The following TTN variants were observed in gnomAD, a reference collection of about 807,000 sequenced individuals.
TTN encodes the protein titin, also known as connectin.
In TTN, 1,525 loss-of-function variants were observed where a neutral mutation model predicts 3,223.0. The ratio of observed to expected loss-of-function variants is 0.47; its 90% CI spans 0.45 to 0.49. The LOEUF (loss-of-function observed/expected upper bound fraction) is 0.49, where lower values mean the gene tolerates loss of function less well. Ranked by LOEUF, TTN falls within the 20% of genes least tolerant of loss-of-function variation. The pLI, the probability that TTN is intolerant of heterozygous loss-of-function variation, is 0.00. For synonymous variants in TTN, 14,094 were observed against 15,161.0 expected, an observed-to-expected ratio of 0.93 and a Z score of 5.17; for missense variants, 40,786 against 43,424.0, an observed-to-expected ratio of 0.94 and a Z score of 5.40.
At position 178,692,479 on chromosome 2, in the gene TTN, T is replaced by C; in HGVS notation, c.31678+18A>G. 1 of 1,554,834 alleles carries C rather than the reference T, an allele frequency of 6.4e-7. No homozygotes were observed. Among genetic ancestry groups the C allele is most frequent in the East Asian group, 2.4e-5 (1 of 42,218 alleles). On this transcript the variant is annotated intron_variant, in intron 120 of 362. Coordinates refer to ENST00000589042, the MANE Select transcript of TTN (RefSeq NM_001267550.2). ...AGATGGATGCTAAGAATTATTTTTTTCACAAATATTATTCTACCTTTTGGT... is the reference window on the plus strand; with the variant it reads ...AGATGGATGCTAAGAATTATTTTTTCCACAAATATTATTCTACCTTTTGGT...
intron 99 of TTN, among the ~76,000 whole-genome samples, chr2:178,708,899 T>G (rs2076248852): frequency 6.6e-6 from 1 of 152,186 alleles, no homozygotes; most frequent in South Asian, 2.1e-4. Context: ...AGCTATGTTG[T>G]AATTACTGGA....
chr2:178,597,604 C>T lies in TTN; in HGVS notation c.57478G>A (p.Val19160Ile), dbSNP rs200778464. Residue 19160 changes from valine (V) to isoleucine (I), a missense_variant, in exon 294 of 363, where the codon GTC (valine) becomes ATC (isoleucine). Coordinates refer to ENST00000589042, the MANE Select transcript of TTN (RefSeq NM_001267550.2). ...TCATTTTTGGCAAGAAGAGAATAGA[C>T]GCCTTGATGGCTCCTCTGGCAGTTC... ...IKNCQRSHQG[V>I]YSLLAKNEAG... 87 of 1,613,098 alleles carry T rather than the reference C, an allele frequency of 5.4e-5. No homozygotes were observed. Among genetic ancestry groups the T allele is most frequent in the Admixed American group, 3.5e-4 (21 of 59,934 alleles).
Position 178,530,903 on chromosome 2 carries a change from C to T in TTN, c.105712G>A (p.Glu35238Lys), listed in dbSNP as rs1480227875. The T allele has an allele frequency of 6.2e-7, 1 of 1,613,862 alleles. No individual in the cohort carries two copies. The highest frequency in any genetic ancestry group is 1.1e-5 in the South Asian group (1 of 91,078). Residue 35238 changes from glutamate (E) to lysine (K), a missense_variant, in exon 358 of 363, where the codon GAG (glutamate) becomes AAG (lysine). Physicochemically the swap from Glu to Lys is moderately conservative, Grantham distance 56. Coordinates refer to ENST00000589042, the MANE Select transcript of TTN (RefSeq NM_001267550.2). ...GCTTCTGGGGATTTCACCCGAGGCT[C>T]TGGGGATTTGACTCTTGGTGGTGAT... is the stretch of plus-strand genomic sequence containing the variant. ...VTSPPRVKSP[E>K]PRVKSPEAVK...
rs1441211227 is a variant in TTN at position 178,704,149 on chromosome 2, T to G, written c.30221A>C (p.Glu10074Ala). The change falls in exon 106 of 363, where the codon GAA becomes GCA. Residue 10074 changes from glutamate to alanine, a missense_variant and splice_region_variant. Glu to Ala is a moderately radical substitution (Grantham distance 107). Transcript: ENST00000589042. ...GGACTCCATAGTGTTTCACGCACCT[T>G]CGATTCTGAGTTCTGCTGAAGTTTC... Reference protein sequence around the residue: ...DLETSAELRIEAEPIQFTKRI... With the variant: ...DLETSAELRIAAEPIQFTKRI... 1.2e-6 allele frequency: 2 copies of G among 1,613,602 alleles called. No individual in the cohort carries two copies. Among genetic ancestry groups the G allele is most frequent in the Non-Finnish European group, 1.7e-6 (2 of 1,179,784 alleles).
In TTN at chr2:178,570,161, A is replaced by G. The variant is rs1369489276; in HGVS notation, c.75971T>C (p.Val25324Ala). 6 of 1,613,498 alleles carry G rather than the reference A, an allele frequency of 3.7e-6. No homozygotes were observed. Residue 25324 changes from valine (V) to alanine (A), a missense_variant, in exon 326 of 363, where the codon GTA becomes GCA. Coordinates refer to ENST00000589042, the MANE Select transcript of TTN (RefSeq NM_001267550.2). ...ACCATCAGATGCTGGTCTTTCCCAT[A>G]CAACAATCATTGAGTCCTTGGTCAC... ...TTVTKDSMIV[V>A]WERPASDGGS...
At chr2:178,772,851 G>A (rs2091721846) in intron 33 of TTN, 1 of 504,308 alleles carries the variant, frequency 2.0e-6, no homozygotes, top group Non-Finnish European at 3.5e-6. Context: ...TGATCCTGGG[G>A]TTGGATGAGG....
rs1290406597 is a variant in TTN at position 178,532,571 on chromosome 2, G to A, written c.104044C>T (p.Arg34682Cys). 8 of 1,613,812 alleles carry A rather than the reference G, an allele frequency of 5.0e-6. 1 individual carries two copies. The highest frequency in any genetic ancestry group is 2.2e-5 in the South Asian group (2 of 91,082). The change falls in exon 358 of 363, where the codon CGT becomes TGT. Residue 34682 changes from arginine (R) to cysteine (C), a missense_variant. Physicochemically the swap from Arg to Cys is radical, Grantham distance 180 (BLOSUM62 -3). Coordinates refer to ENST00000589042, the MANE Select transcript of TTN (RefSeq NM_001267550.2). ...AMKRTEEERL[R>C]LEEELELGFS... is the part of the protein sequence containing the mutation. ...CCTAACTCAAGCTCTTCTTCAAGACGCAGCCTCTCTTCCTCTGTTCTTTTC... is the reference window on the plus strand; with the variant it reads ...CCTAACTCAAGCTCTTCTTCAAGACACAGCCTCTCTTCCTCTGTTCTTTTC...
intron 226 of TTN, 81 bp downstream of exon 226, chr2:178,635,882 T>C: frequency 6.5e-7 from 1 of 1,528,650 alleles, no homozygotes; most frequent in Non-Finnish European, 8.8e-7. Flanking sequence ...TCTGATATTG[T>C]AATACTGGGA....
At chr2:178,750,002 G>A in intron 47 of TTN, 1 of 1,613,202 alleles carries the variant, frequency 6.2e-7, no homozygotes, top group Non-Finnish European at 8.5e-7. Context: ...TTGAGGCATT[G>A]CTTTAGGTTC....
intron 313 of TTN, 88 bp from the exon 314 acceptor site, chr2:178,582,680 T>C (rs1448146847): frequency 2.3e-6 from 3 of 1,315,348 alleles, no homozygotes; most frequent in Admixed American, 2.6e-5. Context: ...AGTCTTTCTA[T>C]TGTCAATTTC....
In TTN at chr2:178,546,032, T is replaced by A. The variant is rs760640290; in HGVS notation, c.95204A>T (p.Asp31735Val). The A allele has an allele frequency of 1.2e-6, 2 of 1,613,830 alleles. No individual in the cohort carries two copies. Among genetic ancestry groups the A allele is most frequent in the South Asian group, 1.1e-5 (1 of 91,084 alleles). Residue 31735 changes from aspartate (D) to valine (V), a missense_variant, in exon 343 of 363, where the codon GAC (aspartate) becomes GTC (valine). By Grantham distance (152) the Asp-to-Val change is radical (BLOSUM62 -3). Coordinates refer to ENST00000589042, the MANE Select transcript of TTN (RefSeq NM_001267550.2). ...CTLAWSLPQE[D>V]GGAEITHYIV... ...GTAGTGAGTGATTTCTGCTCCTCCGTCTTCCTGCGGAAGGCTCCAGGCTAA... is the reference window on the plus strand; with the variant it reads ...GTAGTGAGTGATTTCTGCTCCTCCGACTTCCTGCGGAAGGCTCCAGGCTAA...
chr2:178,775,747 G>A lies in TTN; in HGVS notation c.6117C>T (p.Leu2039=). 3.7e-6 allele frequency: 6 copies of A among 1,613,868 alleles called. No individual in the cohort carries two copies. Among genetic ancestry groups the A allele is most frequent in the Non-Finnish European group, 5.1e-6 (6 of 1,179,964 alleles). ...CTTCAGTTAACTCTTTGGTCCAGTG[G>A]AGAAGTTCATCTTTTGTCTTCCTGA... is the stretch of plus-strand genomic sequence containing the variant. The part of the protein sequence containing the change: ...ELLRKTKDEL[L]HWTKELTEEE... Residue 2039 remains leucine, a synonymous_variant, in exon 28 of 363, where the codon CTC becomes CTT. Transcript: ENST00000589042.
chr2:178,619,668 C>G lies in TTN; in HGVS notation c.46649G>C (p.Arg15550Thr). Residue 15550 changes from arginine (R) to threonine (T), a missense_variant, in exon 250 of 363, where the codon AGA becomes ACA. By Grantham distance (71) the Arg-to-Thr change is moderately conservative. Transcript: ENST00000589042. ...GGCTTCTTTGTCTTTGGCAATAAAT[C>G]TGTATTCACCCTGGTCACGGGGCTT... ...DIKPRDQGEY[R>T]FIAKDKEARA... 6.2e-7 allele frequency: 1 copy of G among 1,612,104 alleles called. No individual in the cohort carries two copies. Among genetic ancestry groups the G allele is most frequent in the Non-Finnish European group, 8.5e-7 (1 of 1,178,826 alleles).
Position 178,534,938 on chromosome 2 carries a change from C to T in TTN, c.101677G>A (p.Glu33893Lys). 3 of 1,612,186 alleles carry T rather than the reference C, an allele frequency of 1.9e-6. No individual in the cohort carries two copies. The highest frequency in any genetic ancestry group is 2.5e-6 in the Non-Finnish European group (3 of 1,179,766). The change falls in exon 358 of 363, where the codon GAG becomes AAG. Residue 33893 changes from glutamate (E) to lysine (K), a missense_variant. Transcript: ENST00000589042. The stretch of plus-strand genomic sequence containing the variant: ...AATATGTCAAGTCCTGATATAAACT[C>T]AAAGATCATAACTAATTCTTCCATG... The part of the protein sequence containing the change: ...ESMEELVMIF[E>K]FISGLDIFER...
chr2:178,770,102 C>T lies in TTN; in HGVS notation c.8599G>A (p.Val2867Met). Residue 2867 changes from valine (V) to methionine (M), a missense_variant, in exon 36 of 363, where the codon GTG (valine) becomes ATG (methionine). By Grantham distance (21) the Val-to-Met change is conservative (BLOSUM62 1). Coordinates refer to ENST00000589042, the MANE Select transcript of TTN (RefSeq NM_001267550.2). The stretch of plus-strand genomic sequence containing the variant: ...GCTTTGCATTCCAATTGCCCGACCA[C>T]AGCTGTGTATTCCCCAGCATCTGAG... ...SPSDAGEYTA[V>M]VGQLECKAKL... 1 of 1,614,168 alleles carries T rather than the reference C, an allele frequency of 6.2e-7. No homozygotes were observed. The highest frequency in any genetic ancestry group is 8.5e-7 in the Non-Finnish European group (1 of 1,180,018).
chr2:178,765,212 C>A (rs1481589889), intron 41 of TTN, among the ~76,000 whole-genome samples: 2 of 152,040 alleles, frequency 1.3e-5, no homozygotes, highest in Non-Finnish European at 2.9e-5. Context: ...CATATCATTC[C>A]AGTTTGTTTG....
intron 148 of TTN, 28 bp downstream of exon 148, chr2:178,675,893 A>C (rs1342173812): frequency 6.3e-7 from 1 of 1,594,572 alleles, no homozygotes; most frequent in East Asian, 2.2e-5. Context: ...GAAATGGCAT[A>C]GTCTAATTTA....
rs1339274939 is a variant in TTN at position 178,630,849 on chromosome 2, G to A, written c.44109C>T (p.Ile14703=). Residue 14703 remains isoleucine, a synonymous_variant, in exon 238 of 363, where the codon ATC becomes ATT. Transcript: ENST00000589042. ...RFETEISEDD[I]HANWKLKGEA... The stretch of plus-strand genomic sequence containing the variant: ...CTCCCTTGAGTTTCCAGTTGGCGTG[G>A]ATATCATCTTCAGAGATTTCGGTTT... 1.9e-6 allele frequency: 3 copies of A among 1,613,234 alleles called. No homozygotes were observed. The highest frequency in any genetic ancestry group is 1.1e-5 in the South Asian group (1 of 91,066).
intron 348 of TTN, 26 bp downstream of exon 348, chr2:178,542,636 C>A (rs371097760): frequency 6.2e-7 from 1 of 1,602,812 alleles, no homozygotes; most frequent in Admixed American, 1.7e-5. Flanking sequence ...CATCAACTTG[C>A]TTGTATCTTT....
Sources: allele counts gnomAD v4.1 joint callset (sites outside exome capture counted in the v4.1 genomes callset), GRCh38; gene constraint gnomAD v4.1.1; transcripts MANE v1.5; gene names NCBI Gene and HGNC (gene_info 2026-07-23, HGNC 2026-07-21).